ACOXL: variants seen among roughly 807,000 people sequenced by gnomAD.
ACOXL encodes the protein acyl-coenzyme A oxidase-like protein.
Under a neutral mutation model 71.9 loss-of-function variants are expected in ACOXL, and 70 were observed. That is an observed-to-expected ratio of 0.97 (90% CI 0.80 to 1.19). The LOEUF (loss-of-function observed/expected upper bound fraction) is 1.19, where lower values mean the gene tolerates loss of function less well. Ranked by LOEUF, ACOXL falls within the 50% of genes most tolerant of loss-of-function variation. ACOXL has a pLI of 0.00. For missense variants in ACOXL, 703 were observed against 736.3 expected, an observed-to-expected ratio of 0.95 and a Z score of 0.52; for synonymous variants, 253 against 281.6, an observed-to-expected ratio of 0.90 and a Z score of 1.02.
intron 15 of ACOXL, 45 bp from the exon 16 acceptor site, chr2:111,049,173 A>G: frequency 6.9e-7 from 1 of 1,448,380 alleles, no homozygotes; most frequent in East Asian, 2.3e-5. Context: ...AAGGGCTCTG[A>G]GGCGGAAGTG....
chr2:110,820,324 T>G (rs960625097), intron 9 of ACOXL, among the ~76,000 whole-genome samples: 2 of 151,926 alleles, frequency 1.3e-5, no homozygotes, highest in Admixed American at 1.3e-4. Flanking sequence ...GGAAGTTAAC[T>G]GAAGAGAAGG....
chr2:110,856,202 G>C (rs1314163639), intron 10 of ACOXL, among the ~76,000 whole-genome samples: 1 of 152,134 alleles, frequency 6.6e-6, no homozygotes, highest in Non-Finnish European at 1.5e-5. Context: ...AGACAGAAAA[G>C]TTCTCCAAGT....
intron 10 of ACOXL, among the ~76,000 whole-genome samples, chr2:110,885,556 T>C (rs1697178309): frequency 6.6e-6 from 1 of 152,212 alleles, no homozygotes; most frequent in African/African-American, 2.4e-5. Flanking sequence ...GTATAAAGTA[T>C]GTAAAGGCTT....
At chr2:110,836,624 T>C (rs1401061582) in intron 9 of ACOXL, among the ~76,000 whole-genome samples, 3 of 152,234 alleles carry the variant, frequency 2.0e-5, no homozygotes, top group African/African-American at 7.2e-5. Context: ...CGTTTCTTTT[T>C]CCATATTTTC....
chr2:110,739,203 G>A (rs371558129), intron 1 of ACOXL, among the ~76,000 whole-genome samples: 16 of 152,154 alleles, frequency 1.1e-4, no homozygotes, highest in African/African-American at 2.2e-4. Flanking sequence ...TGCAAATGGC[G>A]GGGTTTGTTG....
chr2:110,785,553 C>G lies in ACOXL; in HGVS notation c.159+738C>G, dbSNP rs148627783. On this transcript the variant is annotated intron_variant, in intron 3 of 17. Transcript: ENST00000439055. ...CCCCTGTCCTTTGGCAAGCACTAAT[C>G]TGTTGTTCTCCATCTCTATAGTTTT... Among the ~76,000 whole-genome samples, 12 of 152,200 alleles carry G rather than the reference C, an allele frequency of 7.9e-5. No homozygotes were observed. In the East Asian group the frequency reaches 2.3e-3, roughly 29 times the overall value.
chr2:110,844,959 T>C (rs1210015861), intron 10 of ACOXL, among the ~76,000 whole-genome samples: 1 of 152,202 alleles, frequency 6.6e-6, no homozygotes, highest in East Asian at 1.9e-4. Context: ...TCTTTAAAAA[T>C]CCTATTTGCT....
rs1056703579 is a variant in ACOXL, at chr2:111,022,429, A to T, written c.1282-9198A>T. On this transcript the variant is annotated intron_variant, in intron 14 of 17. Coordinates refer to ENST00000439055, the MANE Select transcript of ACOXL (RefSeq NM_001142807.4). ...TATATAAAGACCCCTCCTCACACAC[A>T]CACACACACACACACACACAAAGGC... 6.9e-4 allele frequency among the ~76,000 whole-genome samples: 105 copies of T among 151,844 alleles called. 2 individuals carry two copies. The South Asian group carries it at 0.021, about 31-fold the overall frequency.
chr2:111,004,292 T>C (rs955850973), intron 14 of ACOXL, among the ~76,000 whole-genome samples: 1 of 119,686 alleles, frequency 8.4e-6, no homozygotes, highest in Non-Finnish European at 1.7e-5. Flanking sequence ...CAAAAGCACA[T>C]TTTTACTTTA....
rs143701781 is a variant in ACOXL at position 110,741,073 on chromosome 2, C to G, written c.-23+8299C>G. Among the ~76,000 whole-genome samples, 182 of 152,176 alleles carry G rather than the reference C, an allele frequency of 1.2e-3. 2 individuals are homozygous for G. Among genetic ancestry groups the G allele is most frequent in the African/African-American group, 3.8e-3 (158 of 41,482 alleles). Reference sequence around the variant, plus strand: ...TTCTCTATTAAAATATGTAAATATCCCAGGCATTCCTGGGATGTGGAGTGG... The same window carrying G: ...TTCTCTATTAAAATATGTAAATATCGCAGGCATTCCTGGGATGTGGAGTGG... On this transcript the variant is annotated intron_variant, in intron 1 of 17. Transcript: ENST00000439055.
intron 7 of ACOXL, among the ~76,000 whole-genome samples, chr2:110,799,752 G>T (rs182557904): frequency 3.9e-5 from 6 of 152,284 alleles, no homozygotes. Flanking sequence ...ATTGTGAAAC[G>T]CACCAGTCAG....
intron 16 of ACOXL, among the ~76,000 whole-genome samples, chr2:111,091,291 A>G (rs1176411105): frequency 6.6e-6 from 1 of 152,168 alleles, no homozygotes; most frequent in Non-Finnish European, 1.5e-5. Flanking sequence ...AATGCTTCTT[A>G]TATTATACTA....
chr2:110,907,070 G>A (rs991702451), intron 10 of ACOXL, among the ~76,000 whole-genome samples: 3 of 152,198 alleles, frequency 2.0e-5, no homozygotes, highest in South Asian at 2.1e-4. Flanking sequence ...TAGACTGGGC[G>A]GCTTAAGTAA....
At chr2:110,868,111 T>A (rs1253749877) in intron 10 of ACOXL, among the ~76,000 whole-genome samples, 1 of 152,196 alleles carries the variant, frequency 6.6e-6, no homozygotes, top group Non-Finnish European at 1.5e-5. Context: ...TATTTACACT[T>A]GTATATTTTT....
chr2:110,751,975 G>T, intron 1 of ACOXL, among the ~76,000 whole-genome samples: 1 of 151,674 alleles, frequency 6.6e-6, no homozygotes, highest in East Asian at 1.9e-4. Context: ...AGACACAAAA[G>T]AATACATAGT....
chr2:110,861,577 A>G (rs1559357880), intron 10 of ACOXL, among the ~76,000 whole-genome samples: 4 of 150,254 alleles, frequency 2.7e-5, no homozygotes, highest in Non-Finnish European at 3.0e-5. Context: ...AACCCCGGCT[A>G]TGTTGTTAAA....
chr2:110,838,407 T>C (rs1182640922), intron 9 of ACOXL, among the ~76,000 whole-genome samples: 1 of 152,092 alleles, frequency 6.6e-6, no homozygotes, highest in Non-Finnish European at 1.5e-5. Context: ...TTAAAGCGTT[T>C]CTGAGTTGCT....
At chr2:110,746,867 T>C (rs1678292935) in intron 1 of ACOXL, among the ~76,000 whole-genome samples, 2 of 149,528 alleles carry the variant, frequency 1.3e-5, no homozygotes, top group African/African-American at 5.0e-5. Context: ...TAGTCTAAGA[T>C]GAAAGCTTAC....
intron 10 of ACOXL, among the ~76,000 whole-genome samples, chr2:110,875,172 T>C (rs1043837375): frequency 3.3e-5 from 5 of 152,196 alleles, no homozygotes; most frequent in African/African-American, 1.2e-4. Flanking sequence ...TAAGCCAGGA[T>C]GTACACTTTG....
Sources: allele counts gnomAD v4.1 joint callset (sites outside exome capture counted in the v4.1 genomes callset), GRCh38; gene constraint gnomAD v4.1.1; transcripts MANE v1.5; gene names NCBI Gene and HGNC (gene_info 2026-07-23, HGNC 2026-07-21).